Variants in KIF17 observed in about 807,000 individuals in gnomAD.
KIF17 encodes the protein kinesin family member 17.
Under a neutral mutation model 96.8 loss-of-function variants are expected in KIF17, and 80 were observed. That is an observed-to-expected ratio of 0.83 (90% CI 0.69 to 1.00). KIF17 has a LOEUF of 1.00. Ranked by LOEUF, KIF17 falls within the 50% of genes least tolerant of loss-of-function variation. KIF17 has a pLI of 0.00. For missense variants in KIF17, 1,280 were observed against 1,372.9 expected (o/e 0.93, Z 1.07); for synonymous variants, 567 against 587.5 (o/e 0.97, Z 0.51).
intron 1 of KIF17, 87 bp from the exon 2 acceptor site, chr1:20,715,726 G>A: frequency 2.0e-6 from 3 of 1,503,960 alleles, no homozygotes; most frequent in Non-Finnish European, 2.8e-6. Flanking sequence ...CAGACTCAGG[G>A]CCCTTCCTGG....
In KIF17 at chr1:20,685,507, T is replaced by C. The variant is rs2053921741; in HGVS notation, c.2020-487A>G. 6.6e-6 allele frequency among the ~76,000 whole-genome samples: 1 copy of C among 151,820 alleles called. No homozygotes were observed. The highest frequency in any genetic ancestry group is 1.5e-5 in the Non-Finnish European group (1 of 67,940). On this transcript the variant is annotated intron_variant, in intron 9 of 14. Transcript: ENST00000400463. The surrounding 1 kb of genome is among the most constrained non-coding windows in gnomAD (Gnocchi z 4.1). ...TCTGCTTGCTGCTTCCCCCCGTCCC[T>C]CCTTCACGCCTGGGTCCCACCCCAG...
chr1:20,683,211 C>T (rs1363773416), intron 10 of KIF17, among the ~76,000 whole-genome samples: 2 of 152,212 alleles, frequency 1.3e-5, no homozygotes, highest in Non-Finnish European at 2.9e-5. Flanking sequence ...TGTCTAAGGC[C>T]ACTGGCATGA....
At chr1:20,689,747 T>C (rs907696461) in intron 7 of KIF17, among the ~76,000 whole-genome samples, 1 of 151,982 alleles carries the variant, frequency 6.6e-6, no homozygotes, top group Non-Finnish European at 1.5e-5. Flanking sequence ...ATGGAATGTG[T>C]TTGCTTTGCT....
At position 20,672,807 on chromosome 1, in the gene KIF17, C is replaced by A. The variant is rs112287566; in HGVS notation, c.2464-611G>T. ...CCTGCTCAAGTCTGCCAGACCGGTC[C>A]CCCGGTCCCTCCTGAGCACAGGTGA... On this transcript the variant is annotated intron_variant, in intron 11 of 14. Coordinates refer to ENST00000400463, the MANE Select transcript of KIF17 (RefSeq NM_001122819.3). The surrounding 1 kb of genome is among the most constrained non-coding windows in gnomAD (Gnocchi z 4.3). 912 of 168,040 alleles carry A rather than the reference C, an allele frequency of 5.4e-3. 4 individuals are homozygous for A. Among genetic ancestry groups the A allele is most frequent in the South Asian group, 8.7e-3 (58 of 6,700 alleles). 10.4% of individuals were successfully genotyped at this position (168,040 alleles called of 1,614,324 possible). A position where few individuals can be genotyped will look rare whatever the true frequency, so the allele number is the denominator to read the frequency against.
At position 20,712,728 on chromosome 1, in the gene KIF17, ATCT is replaced by A. The variant is rs1485312272; in HGVS notation, c.480+723_480+725del. Among the ~76,000 whole-genome samples, 25 of 16,242 alleles carry A rather than the reference ATCT, an allele frequency of 1.5e-3. 5 individuals are homozygous for A. Among genetic ancestry groups the A allele is most frequent in the Non-Finnish European group, 2.8e-3 (18 of 6,366 alleles). The allele number at this position is 16,242 out of a possible 152,430, so 10.7% of individuals were successfully genotyped here. A position where few individuals can be genotyped will look rare whatever the true frequency, so the allele number is the denominator to read the frequency against. Reference sequence around the variant, plus strand: ...TTATCTATATATAAAATTATATTATATCTATATATATTATATATATAAAATTAT... The same window carrying A: ...TTATCTATATATAAAATTATATTATAATATATATTATATATATAAAATTAT... On this transcript the variant is annotated intron_variant, in intron 3 of 14. Coordinates refer to ENST00000400463, the MANE Select transcript of KIF17 (RefSeq NM_001122819.3).
rs2053667310 is a variant in KIF17 at position 20,672,609 on chromosome 1, G to A, written c.2464-413C>T. Among the ~76,000 whole-genome samples, 1 of 152,184 alleles carries A rather than the reference G, an allele frequency of 6.6e-6. No individual in the cohort carries two copies. Among genetic ancestry groups the A allele is most frequent in the Non-Finnish European group, 1.5e-5 (1 of 68,048 alleles). On this transcript the variant is annotated intron_variant, in intron 11 of 14. Coordinates refer to ENST00000400463, the MANE Select transcript of KIF17 (RefSeq NM_001122819.3). The surrounding 1 kb of genome is among the most constrained non-coding windows in gnomAD (Gnocchi z 4.3). ...CCGTTCTAAAGGATATCAGAGAATT[G>A]CACAAGTGACATCTCTAAGGAGGAC...
chr1:20,683,171 T>A (rs985979902), intron 10 of KIF17, among the ~76,000 whole-genome samples: 14 of 152,344 alleles, frequency 9.2e-5, no homozygotes, highest in African/African-American at 3.4e-4. Flanking sequence ...CCCACGCTGG[T>A]GCTCCCTGCA....
intron 11 of KIF17, among the ~76,000 whole-genome samples, chr1:20,681,552 G>A (rs1015311828): frequency 9.9e-5 from 15 of 151,818 alleles, no homozygotes; most frequent in South Asian, 2.1e-4. Context: ...TGGTGGGGGC[G>A]AGGGGGTGGG....
rs145698899 is a variant in KIF17 at position 20,664,297 on chromosome 1, A to G, written c.*287T>C. ...GAGGCAAAGACCAACACTGGTGGGC[A>G]TGGGTGTGGGCTCTGTGGCAGGTGA... On this transcript the variant is annotated 3_prime_UTR_variant, in exon 15 of 15. Coordinates refer to ENST00000400463, the MANE Select transcript of KIF17 (RefSeq NM_001122819.3). The G allele has an allele frequency of 9.0e-5, 120 of 1,326,994 alleles. No homozygotes were observed. Among genetic ancestry groups the G allele is most frequent in the Middle Eastern group, 2.9e-4 (1 of 3,426 alleles). 82.2% of individuals were successfully genotyped at this position (1,326,994 alleles called of 1,614,324 possible).
intron 10 of KIF17, among the ~76,000 whole-genome samples, chr1:20,683,648 T>C (rs1260851506): frequency 5.3e-5 from 8 of 151,528 alleles, no homozygotes; most frequent in East Asian, 1.9e-4. Context: ...GAGCAAGGCT[T>C]CATCTCAAAA....
intron 3 of KIF17, among the ~76,000 whole-genome samples, chr1:20,712,508 A>G (rs2054455182): frequency 6.9e-6 from 1 of 144,436 alleles, no homozygotes; most frequent in Non-Finnish European, 1.5e-5. Context: ...CAGCTTGGGC[A>G]ACGCAGCGAG....
chr1:20,705,717 C>T (rs1234660121), intron 4 of KIF17, among the ~76,000 whole-genome samples: 2 of 152,060 alleles, frequency 1.3e-5, no homozygotes, highest in East Asian at 3.9e-4. Flanking sequence ...GCGGAAGCCT[C>T]TGGAATCTAT....
chr1:20,690,238 G>A lies in KIF17; in HGVS notation c.1331C>T (p.Ser444Leu), dbSNP rs767597163. Residue 444 changes from serine (S) to leucine (L), a missense_variant, in exon 7 of 15, where the codon TCA becomes TTA. By Grantham distance (145) the Ser-to-Leu change is moderately radical. Coordinates refer to ENST00000400463, the MANE Select transcript of KIF17 (RefSeq NM_001122819.3). ...CAGCGTGGACAGCCTGACGTCATAT[G>A]AGTTGCGCATGGCAGTGATGTCTTC... is the stretch of plus-strand genomic sequence containing the variant. ...LEEDITAMRN[S>L]YDVRLSTLEE... is the part of the protein sequence containing the mutation. 12 of 1,612,292 alleles carry A rather than the reference G, an allele frequency of 7.4e-6. No homozygotes were observed. The highest frequency in any genetic ancestry group is 1.7e-5 in the Admixed American group (1 of 59,912).
At chr1:20,673,513 A>G (rs2053684020) in intron 11 of KIF17, among the ~76,000 whole-genome samples, 1 of 149,366 alleles carries the variant, frequency 6.7e-6, no homozygotes, top group Non-Finnish European at 1.5e-5. Context: ...GGTGTGAGCT[A>G]CAGTGGCCCA....
rs2054404412 is a variant in KIF17, at chr1:20,709,733, G to A, written c.576C>T (p.Gly192=). The A allele has an allele frequency of 6.2e-7, 1 of 1,613,982 alleles. No individual in the cohort carries two copies. The highest frequency in any genetic ancestry group is 8.5e-7 in the Non-Finnish European group (1 of 1,180,010). Reference sequence around the variant, plus strand: ...TGTAGCCGACCGAACGGTTCTTCCAGCCAGTCTCCATGATGTGCTCACACT... The same window carrying A: ...TGTAGCCGACCGAACGGTTCTTCCAACCAGTCTCCATGATGTGCTCACACT... ...VAQCEHIMET[G]WKNRSVGYTL... The change falls in exon 4 of 15, where the codon GGC becomes GGT. Residue 192 remains glycine (G), a synonymous_variant. Coordinates refer to ENST00000400463, the MANE Select transcript of KIF17 (RefSeq NM_001122819.3). The surrounding 1 kb of genome is among the most constrained non-coding windows in gnomAD (Gnocchi z 4.7).
At chr1:20,701,708 G>A (rs188302471) in intron 5 of KIF17, among the ~76,000 whole-genome samples, 1 of 152,258 alleles carries the variant, frequency 6.6e-6, no homozygotes, top group Admixed American at 6.5e-5. Flanking sequence ...CATGAAGGGA[G>A]GGGATCTGCT....
At position 20,699,746 on chromosome 1, in the gene KIF17, C is replaced by T. The variant is rs74058986; in HGVS notation, c.1124-1258G>A. Among the ~76,000 whole-genome samples, 20,469 of 151,600 alleles carry T rather than the reference C, an allele frequency of 0.14. 1,507 individuals carry two copies. Among genetic ancestry groups the T allele is most frequent in the Non-Finnish European group, 0.17 (11,310 of 67,968 alleles). ...GGGCCCTGAGGCGGTTGTGAGACTG[C>T]ACTGTTCCTGGCCCAGCCAGGAGGC... On this transcript the variant is annotated intron_variant, in intron 5 of 14. Coordinates refer to ENST00000400463, the MANE Select transcript of KIF17 (RefSeq NM_001122819.3). The surrounding 1 kb of genome is among the most constrained non-coding windows in gnomAD (Gnocchi z 4.3).
At chr1:20,673,427 T>C (rs962904963) in intron 11 of KIF17, among the ~76,000 whole-genome samples, 1 of 152,112 alleles carries the variant, frequency 6.6e-6, no homozygotes, top group African/African-American at 2.4e-5. Flanking sequence ...AGGCTCACTT[T>C]GTTGACCAGG....
chr1:20,702,148 G>A (rs1350599819), intron 5 of KIF17, among the ~76,000 whole-genome samples: 1 of 152,172 alleles, frequency 6.6e-6, no homozygotes, highest in Non-Finnish European at 1.5e-5. Context: ...GCACACACAA[G>A]GCAGGTGTCG....
Sources: gnomAD v4.1 joint callset for allele counts (sites outside exome capture counted in the v4.1 genomes callset) on GRCh38, gnomAD v4.1.1 for gene constraint, Gnocchi (gnomAD v3.1) non-coding constraint, MANE v1.5 for transcripts, NCBI Gene and HGNC (gene_info 2026-07-23, HGNC 2026-07-21) for gene names.